ECPAS: variants seen among roughly 807,000 people sequenced by gnomAD.
ECPAS encodes Ecm29 proteasome adaptor and scaffold, also known as proteasome adapter and scaffold protein ECM29.
A neutral mutation model predicts 255.1 loss-of-function variants in ECPAS; 70 were observed. The observed-to-expected ratio is 0.27, with a 90% CI of 0.23 to 0.33. The LOEUF (loss-of-function observed/expected upper bound fraction) is 0.33, where lower values mean the gene tolerates loss of function less well. Among genes scored for constraint, ECPAS ranks in the 10% least tolerant of loss-of-function variants. The probability of loss-of-function intolerance (pLI) is 1.00; values close to 1 mark genes in which losing one functional copy is unlikely to be tolerated. For missense variants in ECPAS, 1,817 were observed against 2,206.4 expected, an observed-to-expected ratio of 0.82 and a Z score of 3.54; for synonymous variants, 784 against 775.0, an observed-to-expected ratio of 1.01 and a Z score of -0.19.
rs756593142 is a variant in ECPAS at position 111,433,199 on chromosome 9, T to A, written c.848+34A>T. On this transcript the variant is annotated intron_variant, in intron 8 of 49. Transcript: ENST00000684092. ...AAGTAAGTTTTTAGAAATGTAGTCC[T>A]TTCAATCTTGAAAGTTTACAGGGAA... The A allele has an allele frequency of 1.9e-6, 3 of 1,602,496 alleles. No individual in the cohort carries two copies. The South Asian group carries it at 3.3e-5, about 18-fold the overall frequency.
Position 111,397,210 on chromosome 9 carries a change from A to C in ECPAS, c.2653-57T>G, listed in dbSNP as rs2098168916. 3.1e-6 allele frequency: 5 copies of C among 1,596,688 alleles called. No homozygotes were observed. The South Asian group carries it at 5.5e-5, about 18-fold the overall frequency. ...GAAAACACATTTCCCAAAAACATCCATTTCTACAGAAAGCCTGCTTAAAAG... is the reference window on the plus strand; with the variant it reads ...GAAAACACATTTCCCAAAAACATCCCTTTCTACAGAAAGCCTGCTTAAAAG... On this transcript the variant is annotated intron_variant, in intron 24 of 49. Coordinates refer to ENST00000684092, the MANE Select transcript of ECPAS (RefSeq NM_001364929.1).
intron 8 of ECPAS, among the ~76,000 whole-genome samples, chr9:111,432,738 G>C (rs1023885973): frequency 1.3e-5 from 2 of 151,808 alleles, no homozygotes; most frequent in African/African-American, 2.4e-5. Context: ...ATTTTTCATT[G>C]ACTTTATTTC....
chr9:111,370,319 A>G, intron 45 of ECPAS, 116 bp downstream of exon 45: 1 of 673,618 alleles, frequency 1.5e-6, no homozygotes, highest in Non-Finnish European at 2.5e-6. Context: ...GTATTTTGGA[A>G]TTTCTCTGCT....
rs528341061 is a variant in ECPAS at position 111,404,635 on chromosome 9, G to A, written c.2652+3936C>T. Among the ~76,000 whole-genome samples the A allele has an allele frequency of 7.4e-5, 11 of 149,222 alleles. 2 individuals are homozygous for A. The highest frequency in any genetic ancestry group is 2.8e-4 in the African/African-American group (11 of 39,066). On this transcript the variant is annotated intron_variant, in intron 24 of 49. Transcript: ENST00000684092. ...TTCCTCTTCGCCTTCTGCCAAGATT[G>A]TAAGTTTCCTGAGGCCTTCCCAGCC...
chr9:111,470,608 C>A (rs999805577), intron 2 of ECPAS, among the ~76,000 whole-genome samples: 2 of 152,134 alleles, frequency 1.3e-5, no homozygotes, highest in Non-Finnish European at 2.9e-5. Flanking sequence ...CTGTGCCCAG[C>A]CTTTTGCATA....
Position 111,468,420 on chromosome 9 carries a change from G to A in ECPAS, c.22+4477C>T, listed in dbSNP as rs2098282074. 3.3e-5 allele frequency among the ~76,000 whole-genome samples: 5 copies of A among 152,252 alleles called. No individual in the cohort carries two copies. The South Asian group carries it at 1.0e-3, about 32-fold the overall frequency. On this transcript the variant is annotated intron_variant, in intron 2 of 49. Transcript: ENST00000684092. ...TAACATGGTTTAAGCGAGAAAGTAG[G>A]TGGAGAAGATACTAAATCTTACTAG...
At position 111,378,655 on chromosome 9, in the gene ECPAS, A is replaced by G. The variant is rs1451435394; in HGVS notation, c.3879T>C (p.Ala1293=). 6.2e-7 allele frequency: 1 copy of G among 1,613,890 alleles called. No individual in the cohort carries two copies. The highest frequency in any genetic ancestry group is 1.7e-5 in the Admixed American group (1 of 60,022). ...CCAATACACTTAAGGACTCTAGCAGAGCTGGAATGAGTTTTGGTGCATGCG... is the reference window on the plus strand; with the variant it reads ...CCAATACACTTAAGGACTCTAGCAGGGCTGGAATGAGTTTTGGTGCATGCG... ...LKPHAPKLIP[A]LLESLSVLEP... is the part of the protein sequence containing the mutation. Residue 1293 remains alanine (A), a synonymous_variant, in exon 36 of 50, where the codon GCT becomes GCC. Coordinates refer to ENST00000684092, the MANE Select transcript of ECPAS (RefSeq NM_001364929.1).
chr9:111,464,685 G>A (rs990860802), intron 2 of ECPAS, among the ~76,000 whole-genome samples: 2 of 151,972 alleles, frequency 1.3e-5, no homozygotes, highest in African/African-American at 4.8e-5. Flanking sequence ...AGAAGGATAT[G>A]TACAGTTTAG....
Position 111,392,822 on chromosome 9 carries a change from T to G in ECPAS, c.3038A>C (p.Gln1013Pro). 1 of 1,613,820 alleles carries G rather than the reference T, an allele frequency of 6.2e-7. No homozygotes were observed. Among genetic ancestry groups the G allele is most frequent in the Non-Finnish European group, 8.5e-7 (1 of 1,179,802 alleles). The change falls in exon 28 of 50, where the codon CAA (glutamine) becomes CCA (proline). Residue 1013 changes from glutamine (Q) to proline (P), a missense_variant. Gln to Pro is a moderately conservative substitution (Grantham distance 76, BLOSUM62 -1). Coordinates refer to ENST00000684092, the MANE Select transcript of ECPAS (RefSeq NM_001364929.1). ...LGLVYELGNE[Q>P]DQQELVSTLV... ...TGTAGAAACCAATTCCTGTTGATCT[T>G]GTTCATTGCCTAGTTCATAAACCAA...
At chr9:111,398,266 T>C (rs1342408392) in intron 24 of ECPAS, among the ~76,000 whole-genome samples, 1 of 152,206 alleles carries the variant, frequency 6.6e-6, no homozygotes, top group African/African-American at 2.4e-5. Context: ...TAAAAGCTTC[T>C]CTTGGCAACT....
At chr9:111,368,969 A>G in intron 46 of ECPAS, 66 bp downstream of exon 46, 1 of 1,375,888 alleles carries the variant, frequency 7.3e-7, no homozygotes, top group Non-Finnish European at 9.7e-7. Context: ...TGTCATAGAG[A>G]AAATTCTTCG....
chr9:111,483,111 C>T (rs1482254154), intron 1 of ECPAS, among the ~76,000 whole-genome samples: 1 of 152,162 alleles, frequency 6.6e-6, no homozygotes, highest in Non-Finnish European at 1.5e-5. Flanking sequence ...CTCAACCAGC[C>T]GTCGGGGACC....
chr9:111,397,784 T>TA (rs2098169865), intron 24 of ECPAS, among the ~76,000 whole-genome samples: 1 of 152,186 alleles, frequency 6.6e-6, no homozygotes, highest in South Asian at 2.1e-4. Context: ...AAAAAGAGAA[T>TA]AATAAAGCAT....
At chr9:111,457,685 TGAA>T (rs960420985) in intron 2 of ECPAS, among the ~76,000 whole-genome samples, 4 of 151,884 alleles carry the variant, frequency 2.6e-5, no homozygotes, top group Admixed American at 1.3e-4. Context: ...TGCCCCAGAG[TGAA>T]GAAGAGAAGA....
intron 2 of ECPAS, among the ~76,000 whole-genome samples, chr9:111,453,841 T>C (rs1317526196): frequency 1.3e-5 from 2 of 151,334 alleles, no homozygotes; most frequent in East Asian, 3.9e-4. Flanking sequence ...TCATGAAAAA[T>C]AAGAAAAGAC....
intron 12 of ECPAS, among the ~76,000 whole-genome samples, chr9:111,424,394 G>C (rs923664609): frequency 3.9e-5 from 6 of 152,142 alleles, no homozygotes; most frequent in African/African-American, 1.2e-4. Context: ...ACAAAACTAG[G>C]ATTCAAACTC....
chr9:111,387,353 ATCG>A, intron 31 of ECPAS, among the ~76,000 whole-genome samples: 4 of 151,780 alleles, frequency 2.6e-5, no homozygotes, highest in Non-Finnish European at 1.5e-5. Flanking sequence ...AGTCTCACTC[ATCG>A]TCAGTGCAGT....
Position 111,360,735 on chromosome 9 carries a change from A to C in ECPAS, c.*1295T>G, listed in dbSNP as rs2098112536. 1 of 152,238 alleles carries C rather than the reference A, an allele frequency of 6.6e-6. No individual in the cohort carries two copies. Among genetic ancestry groups the C allele is most frequent in the Non-Finnish European group, 1.5e-5 (1 of 68,040 alleles). The allele number at this position is 152,238 out of a possible 1,614,324, so 9.4% of individuals were successfully genotyped here. A position where few individuals can be genotyped will look rare whatever the true frequency, so the allele number is the denominator to read the frequency against. Reference sequence around the variant, plus strand: ...TTTTTATTATGACTTGCAGTCAAAAAAGTTTGAAATACATTGGTCAATAGA... The same window carrying C: ...TTTTTATTATGACTTGCAGTCAAAACAGTTTGAAATACATTGGTCAATAGA... On this transcript the variant is annotated 3_prime_UTR_variant, in exon 50 of 50. Transcript: ENST00000684092.
At chr9:111,433,418 A>G in intron 7 of ECPAS, 46 bp from the exon 8 acceptor site, 5 of 1,606,906 alleles carry the variant, frequency 3.1e-6, no homozygotes, top group Non-Finnish European at 4.3e-6. Flanking sequence ...AGGGGAGCAA[A>G]GGACACCCAC....
Sources: allele counts gnomAD v4.1 joint callset (sites outside exome capture counted in the v4.1 genomes callset), GRCh38; gene constraint gnomAD v4.1.1; transcripts MANE v1.5; gene names NCBI Gene and HGNC (gene_info 2026-07-23, HGNC 2026-07-21).